CACNA1S: variants seen among roughly 807,000 people sequenced by gnomAD.
CACNA1S encodes voltage-dependent L-type calcium channel subunit alpha-1S.
CACNA1S carries 126 observed loss-of-function variants against 207.4 expected under a neutral mutation model. The ratio of observed to expected loss-of-function variants is 0.61; its 90% CI spans 0.53 to 0.70. The LOEUF (loss-of-function observed/expected upper bound fraction) is 0.70, where lower values mean the gene tolerates loss of function less well. CACNA1S is among the 30% of genes least tolerant of loss of function. CACNA1S has a pLI of 0.00. For missense variants in CACNA1S, 2,349 were observed against 2,422.8 expected, an observed-to-expected ratio of 0.97 and a Z score of 0.64; for synonymous variants, 960 against 932.7, an observed-to-expected ratio of 1.03 and a Z score of -0.53.
intron 1 of CACNA1S, among the ~76,000 whole-genome samples, chr1:201,110,717 C>T (rs1663067554): frequency 6.6e-6 from 1 of 152,194 alleles, no homozygotes; most frequent in Admixed American, 6.5e-5. Flanking sequence ...GTTGAGAACT[C>T]ACTGAGTAGG....
chr1:201,042,611 C>T (rs1163300126), intron 40 of CACNA1S, among the ~76,000 whole-genome samples: 2 of 152,192 alleles, frequency 1.3e-5, no homozygotes. Context: ...TTTAAGGGGT[C>T]TCTGTGACTG....
chr1:201,072,344 G>A (rs544618543), intron 16 of CACNA1S, among the ~76,000 whole-genome samples: 1 of 152,162 alleles, frequency 6.6e-6, no homozygotes, highest in East Asian at 1.9e-4. Flanking sequence ...CCGGCCCCCA[G>A]CCCTACCAGA....
At chr1:201,073,299 G>A (rs1661484484) in intron 15 of CACNA1S, among the ~76,000 whole-genome samples, 1 of 151,960 alleles carries the variant, frequency 6.6e-6, no homozygotes, top group Non-Finnish European at 1.5e-5. Context: ...TCCTTGGTCT[G>A]GAGTGGGAAG....
At chr1:201,076,658 G>T (rs562196855) in intron 12 of CACNA1S, among the ~76,000 whole-genome samples, 105 of 152,344 alleles carry the variant, frequency 6.9e-4, no homozygotes, top group African/African-American at 2.4e-3. Context: ...ATATTATCCT[G>T]CAGTAGGCCA....
At chr1:201,080,331 G>A (rs1436229712) in intron 10 of CACNA1S, among the ~76,000 whole-genome samples, 6 of 151,672 alleles carry the variant, frequency 4.0e-5, no homozygotes, top group African/African-American at 1.5e-4. Flanking sequence ...TCAGTAGGTG[G>A]CACTACTAGC....
intron 7 of CACNA1S, among the ~76,000 whole-genome samples, chr1:201,086,697 T>C (rs1007896816): frequency 2.6e-5 from 4 of 152,272 alleles, no homozygotes; most frequent in African/African-American, 9.6e-5. Context: ...TGTTAAAATA[T>C]AGTTATCCAT....
intron 39 of CACNA1S, 88 bp downstream of exon 39, chr1:201,044,240 G>A (rs969740833): frequency 2.1e-5 from 33 of 1,555,356 alleles, no homozygotes; most frequent in African/African-American, 1.4e-4. Flanking sequence ...TCCCCCTCTC[G>A]TGTGGCTGGG....
At chr1:201,102,895 G>A (rs999752293) in intron 2 of CACNA1S, among the ~76,000 whole-genome samples, 1 of 152,174 alleles carries the variant, frequency 6.6e-6, no homozygotes, top group Non-Finnish European at 1.5e-5. Flanking sequence ...CGAGGCTTGG[G>A]TTCAGTGTGA....
At position 201,106,262 on chromosome 1, in the gene CACNA1S, C is replaced by T. The variant is rs1662880785; in HGVS notation, c.258+3902G>A. On this transcript the variant is annotated intron_variant, in intron 2 of 43. Coordinates refer to ENST00000362061, the MANE Select transcript of CACNA1S (RefSeq NM_000069.3). Reference sequence around the variant, plus strand: ...TACCATCACCAGTGCCTTGGCCCAGCCTCCCCTGTTTCCTGCCTGGATGAC... The same window carrying T: ...TACCATCACCAGTGCCTTGGCCCAGTCTCCCCTGTTTCCTGCCTGGATGAC... 2.6e-5 allele frequency among the ~76,000 whole-genome samples: 4 copies of T among 152,106 alleles called. No individual in the cohort carries two copies. The South Asian group carries it at 6.2e-4, about 24-fold the overall frequency.
Position 201,048,687 on chromosome 1 carries a change from G to A in CACNA1S, c.4339-3C>T. 3.7e-6 allele frequency: 6 copies of A among 1,612,578 alleles called. No homozygotes were observed. Among genetic ancestry groups the A allele is most frequent in the Non-Finnish European group, 5.1e-6 (6 of 1,179,174 alleles). On this transcript the variant is annotated splice_polypyrimidine_tract_variant and splice_region_variant and intron_variant, in intron 35 of 43. Coordinates refer to ENST00000362061, the MANE Select transcript of CACNA1S (RefSeq NM_000069.3). ...GGCATGTTCATGCCCACCAGCCGCT[G>A]TACAGGGAGACGCAGTGGCCTGCCG...
chr1:201,047,650 T>A, intron 36 of CACNA1S, 24 bp from the exon 37 acceptor site: 1 of 1,549,432 alleles, frequency 6.5e-7, no homozygotes. Context: ...AAGGCAAAAG[T>A]TACCCAGATC....
At chr1:201,108,213 C>T (rs1360229711) in intron 2 of CACNA1S, among the ~76,000 whole-genome samples, 3 of 151,776 alleles carry the variant, frequency 2.0e-5, no homozygotes, top group African/African-American at 7.3e-5. Context: ...TCAAGCAATC[C>T]TCCCACTTCA....
Position 201,062,121 on chromosome 1 carries a change from G to T in CACNA1S, c.2907-31C>A, listed in dbSNP as rs1377639518. ...GCAGGGAGGCCCAGTCACTCCACAG[G>T]GCATGGCTGGGCTGCCTTGCCCCAC... On this transcript the variant is annotated intron_variant, in intron 23 of 43. Coordinates refer to ENST00000362061, the MANE Select transcript of CACNA1S (RefSeq NM_000069.3). The T allele has an allele frequency of 3.7e-6, 6 of 1,608,174 alleles. No individual in the cohort carries two copies. The East Asian group carries it at 1.3e-4, about 36-fold the overall frequency.
chr1:201,100,291 G>A (rs1021820646), intron 2 of CACNA1S, among the ~76,000 whole-genome samples: 3 of 152,254 alleles, frequency 2.0e-5, no homozygotes, highest in African/African-American at 7.2e-5. Context: ...GTCTGCTAAA[G>A]GCAAGGAGGC....
In CACNA1S at chr1:201,047,625, A is replaced by G. The variant is rs931403274; in HGVS notation, c.4443T>C (p.Gly1481=). 6.2e-7 allele frequency: 1 copy of G among 1,613,454 alleles called. No individual in the cohort carries two copies. Among genetic ancestry groups the G allele is most frequent in the Non-Finnish European group, 8.5e-7 (1 of 1,179,358 alleles). The part of the protein sequence containing the change: ...VRTALKIKTE[G]NFEQANEELR... The stretch of plus-strand genomic sequence containing the variant: ...GCTCCTCGTTGGCCTGCTCAAAGTT[A>G]CCTGGAGCAGGAGAAAGGCAAAAGT... The change falls in exon 37 of 44, where the codon GGT becomes GGC. Residue 1481 remains glycine, a splice_region_variant and synonymous_variant. Coordinates refer to ENST00000362061, the MANE Select transcript of CACNA1S (RefSeq NM_000069.3).
At position 201,039,912 on chromosome 1, in the gene CACNA1S, T is replaced by G; in HGVS notation, c.5541A>C (p.Gly1847=). 6.2e-7 allele frequency: 1 copy of G among 1,613,922 alleles called. No homozygotes were observed. The highest frequency in any genetic ancestry group is 8.5e-7 in the Non-Finnish European group (1 of 1,180,034). ...EAPEGMASSL[G]CLNLGSSLGS... is the part of the protein sequence containing the mutation. Reference sequence around the variant, plus strand: ...CCAGGGAGGACCCGAGGTTCAGGCATCCCAGGGAGCTGGCCATGCCCTCTG... The same window carrying G: ...CCAGGGAGGACCCGAGGTTCAGGCAGCCCAGGGAGCTGGCCATGCCCTCTG... Residue 1847 remains glycine (G), a synonymous_variant, in exon 44 of 44, where the codon GGA becomes GGC. Coordinates refer to ENST00000362061, the MANE Select transcript of CACNA1S (RefSeq NM_000069.3).
intron 10 of CACNA1S, among the ~76,000 whole-genome samples, chr1:201,080,080 C>T (rs1661787934): frequency 6.6e-6 from 1 of 152,116 alleles, no homozygotes; most frequent in South Asian, 2.1e-4. Context: ...ATACACTCTC[C>T]CCTGGAGATC....
chr1:201,065,979 G>A (rs770169928), intron 21 of CACNA1S, 34 bp from the exon 22 acceptor site: 15 of 1,444,790 alleles, frequency 1.0e-5, no homozygotes, highest in African/African-American at 1.4e-5. Flanking sequence ...GACTGGGGGT[G>A]CACCCACAGT....
chr1:201,043,904 C>T (rs1286383627), intron 39 of CACNA1S, among the ~76,000 whole-genome samples: 1 of 152,060 alleles, frequency 6.6e-6, no homozygotes, highest in Admixed American at 6.6e-5. Context: ...CCACTATTTC[C>T]TCATGAATAA....
Sources: allele counts gnomAD v4.1 joint callset (sites outside exome capture counted in the v4.1 genomes callset), GRCh38; gene constraint gnomAD v4.1.1; transcripts MANE v1.5; gene names NCBI Gene and HGNC (gene_info 2026-07-23, HGNC 2026-07-21).